The following BRPF1 variants were observed in gnomAD, a reference collection of about 807,000 sequenced individuals.
BRPF1 encodes the protein peregrin.
A neutral mutation model predicts 115.0 loss-of-function variants in BRPF1; 15 were observed. That is an observed-to-expected ratio of 0.13 (90% CI 0.09 to 0.20). BRPF1 has a LOEUF of 0.20. Among genes scored for constraint, BRPF1 ranks in the 10% least tolerant of loss-of-function variants. BRPF1 has a pLI of 1.00. For missense variants in BRPF1, 1,118 were observed against 1,638.3 expected, an observed-to-expected ratio of 0.68 and a Z score of 5.48; for synonymous variants, 647 against 619.8, an observed-to-expected ratio of 1.04 and a Z score of -0.65.
At chr3:9,733,048 G>A (rs1365903107) in intron 1 of BRPF1, 1 of 152,262 alleles carries the variant, frequency 6.6e-6, no homozygotes, top group Non-Finnish European at 1.5e-5. Flanking sequence ...TCGCGTTCGT[G>A]TTTGTACCCT....
At chr3:9,740,657 C>A in intron 3 of BRPF1, 122 bp from the exon 4 acceptor site, 1 of 1,292,948 alleles carries the variant, frequency 7.7e-7, no homozygotes. Context: ...AGTCCCAGGC[C>A]TTTTGGACAA....
intron 5 of BRPF1, among the ~76,000 whole-genome samples, chr3:9,741,750 TCTG>T (rs1459569103): frequency 6.6e-6 from 1 of 152,098 alleles, no homozygotes; most frequent in Non-Finnish European, 1.5e-5. Context: ...TGCTTTTAGT[TCTG>T]CTGGAAGCAG....
rs763209968 is a variant in BRPF1, at chr3:9,739,020, G to A, written c.621G>A (p.Glu207=). 26 of 1,581,798 alleles carry A rather than the reference G, an allele frequency of 1.6e-5. No individual in the cohort carries two copies. The Admixed American group carries it at 4.6e-4, about 28-fold the overall frequency. ...GTAGGTACATCGAGAAGTCTGCAGA[G>A]GAGCTGGACGAGGAAGTAGAGTATG... is the stretch of plus-strand genomic sequence containing the variant. ...SYYRYIEKSA[E]ELDEEVEYDM... is the part of the protein sequence containing the mutation. The change falls in exon 3 of 14, where the codon GAG becomes GAA. Residue 207 remains glutamate (E), a synonymous_variant. Coordinates refer to ENST00000383829, the MANE Select transcript of BRPF1 (RefSeq NM_001003694.2).
In BRPF1 at chr3:9,747,235, G is replaced by A. The variant is rs1352870111; in HGVS notation, c.3549G>A (p.Leu1183=). ...AGGACCTAGACAAGGAGAAGATGCT[G>A]GAGGGCCGCAAGTCCAACATCCGCA... ...VNQDLDKEKM[L]EGRKSNIRKS... Residue 1183 remains leucine, a synonymous_variant, in exon 14 of 14, where the codon CTG becomes CTA. Coordinates refer to ENST00000383829, the MANE Select transcript of BRPF1 (RefSeq NM_001003694.2). The surrounding 1 kb of genome is among the most constrained non-coding windows in gnomAD (Gnocchi z 5.6). 4 of 1,614,082 alleles carry A rather than the reference G, an allele frequency of 2.5e-6. No homozygotes were observed. The East Asian group carries it at 6.7e-5, about 27-fold the overall frequency.
At chr3:9,741,280 T>C in intron 4 of BRPF1, 28 bp from the exon 5 acceptor site, 2 of 1,539,626 alleles carry the variant, frequency 1.3e-6, no homozygotes, top group Non-Finnish European at 1.8e-6. Flanking sequence ...TTTCTAATCA[T>C]CCTCTGATCT....
intron 1 of BRPF1, among the ~76,000 whole-genome samples, chr3:9,732,905 T>C (rs1260011196): frequency 6.6e-6 from 1 of 151,968 alleles, no homozygotes; most frequent in Non-Finnish European, 1.5e-5. Context: ...CCGAGAGAAA[T>C]TGGGGCAGTC....
At chr3:9,741,175 C>A in intron 4 of BRPF1, 133 bp from the exon 5 acceptor site, 2 of 1,203,064 alleles carry the variant, frequency 1.7e-6, no homozygotes, top group Non-Finnish European at 1.2e-6. Flanking sequence ...TGGGGACACA[C>A]AGATTGAGGC....
At position 9,745,173 on chromosome 3, in the gene BRPF1, C is replaced by T. The variant is rs769764940; in HGVS notation, c.3068+18C>T. 6 of 1,611,308 alleles carry T rather than the reference C, an allele frequency of 3.7e-6. No homozygotes were observed. The highest frequency in any genetic ancestry group is 1.7e-5 in the Admixed American group (1 of 59,400). On this transcript the variant is annotated intron_variant, in intron 10 of 13. Transcript: ENST00000383829. The surrounding 1 kb of genome is among the most constrained non-coding windows in gnomAD (Gnocchi z 5.1). The stretch of plus-strand genomic sequence containing the variant: ...CGGACCAGGTACCAGCCCTCCAGAT[C>T]GAGGCCAACCTCAGGGGATGCCCTT...
At position 9,743,658 on chromosome 3, in the gene BRPF1, C is replaced by T. The variant is rs1575163785; in HGVS notation, c.2392C>T (p.Arg798Trp). Residue 798 changes from arginine to tryptophan, a missense_variant, in exon 8 of 14, where the codon CGG (arginine) becomes TGG (tryptophan). Arg to Trp is a moderately radical substitution (Grantham distance 101, BLOSUM62 -3). This residue lies in a region of BRPF1 where 223 missense variants were observed against 240.7 expected (regional missense o/e 0.93). Coordinates refer to ENST00000383829, the MANE Select transcript of BRPF1 (RefSeq NM_001003694.2). The surrounding 1 kb of genome is among the most constrained non-coding windows in gnomAD (Gnocchi z 6.1). ...VEEQLKLLLE[R>W]LDEVNASKQS... ...AGAACAGCTAAAGCTGCTTCTGGAG[C>T]GGCTGGACGAAGTGAATGCCAGCAA... 3 of 1,614,104 alleles carry T rather than the reference C, an allele frequency of 1.9e-6. No homozygotes were observed. Among genetic ancestry groups the T allele is most frequent in the African/African-American group, 2.7e-5 (2 of 75,052 alleles).
At position 9,747,162 on chromosome 3, in the gene BRPF1, A is replaced by T; in HGVS notation, c.3480-4A>T. ...ATTTATTTGATCTTCACCTTATCCT[A>T]TAGGCAGTGGCTGCCCAGGACCAAG... On this transcript the variant is annotated splice_polypyrimidine_tract_variant and splice_region_variant and intron_variant, in intron 13 of 13. Coordinates refer to ENST00000383829, the MANE Select transcript of BRPF1 (RefSeq NM_001003694.2). The surrounding 1 kb of genome is among the most constrained non-coding windows in gnomAD (Gnocchi z 5.6). 6.2e-7 allele frequency: 1 copy of T among 1,614,048 alleles called. No homozygotes were observed. Among genetic ancestry groups the T allele is most frequent in the South Asian group, 1.1e-5 (1 of 91,076 alleles).
chr3:9,736,906 C>T (rs560762711), intron 2 of BRPF1, among the ~76,000 whole-genome samples: 17 of 152,304 alleles, frequency 1.1e-4, no homozygotes, highest in Admixed American at 3.3e-4. Flanking sequence ...TTATACGTGA[C>T]ATGCAGCCTA....
In BRPF1 at chr3:9,734,081, T is replaced by C; in HGVS notation, c.-10-50T>C. The C allele has an allele frequency of 2.6e-6, 4 of 1,522,064 alleles. No homozygotes were observed. Among genetic ancestry groups the C allele is most frequent in the Non-Finnish European group, 2.6e-6 (3 of 1,135,876 alleles). 94.3% of individuals were successfully genotyped at this position (1,522,064 alleles called of 1,614,324 possible). ...GAAAGACTGGGGTCTCTGGTGCAAA[T>C]GGCCAGGAACTCATCCCCAGCCTTA... On this transcript the variant is annotated intron_variant, in intron 1 of 13. Transcript: ENST00000383829. This position sits in a 1 kb window ranked among gnomAD's most constrained non-coding sequence, Gnocchi z 5.7.
chr3:9,739,297 G>A lies in BRPF1; in HGVS notation c.898G>A (p.Val300Met), dbSNP rs2125500407. 6.8e-6 allele frequency: 11 copies of A among 1,613,808 alleles called. No homozygotes were observed. Among genetic ancestry groups the A allele is most frequent in the Non-Finnish European group, 9.3e-6 (11 of 1,179,742 alleles). The change falls in exon 3 of 14, where the codon GTG becomes ATG. Residue 300 changes from valine (V) to methionine (M), a missense_variant. Coordinates refer to ENST00000383829, the MANE Select transcript of BRPF1 (RefSeq NM_001003694.2). ...CTTCTGTGACATGTGCAACCTGGCCGTGCACCAGGAGTGCTACGGTGTCCC... is the reference window on the plus strand; with the variant it reads ...CTTCTGTGACATGTGCAACCTGGCCATGCACCAGGAGTGCTACGGTGTCCC... ...ILFCDMCNLA[V>M]HQECYGVPYI...
In BRPF1 at chr3:9,745,160, C is replaced by T. The variant is rs1360451807; in HGVS notation, c.3068+5C>T. 2 of 1,613,368 alleles carry T rather than the reference C, an allele frequency of 1.2e-6. No individual in the cohort carries two copies. Among genetic ancestry groups the T allele is most frequent in the African/African-American group, 1.3e-5 (1 of 75,026 alleles). On this transcript the variant is annotated splice_donor_5th_base_variant and intron_variant, in intron 10 of 13. Coordinates refer to ENST00000383829, the MANE Select transcript of BRPF1 (RefSeq NM_001003694.2). This position sits in a 1 kb window ranked among gnomAD's most constrained non-coding sequence, Gnocchi z 5.1. ...CGCTGCTTCAGACCGGACCAGGTAC[C>T]AGCCCTCCAGATCGAGGCCAACCTC...
At position 9,740,771 on chromosome 3, in the gene BRPF1, C is replaced by T. The variant is rs752865774; in HGVS notation, c.1560-8C>T. 7 of 1,612,508 alleles carry T rather than the reference C, an allele frequency of 4.3e-6. No homozygotes were observed. The highest frequency in any genetic ancestry group is 5.9e-6 in the Non-Finnish European group (7 of 1,178,720). On this transcript the variant is annotated splice_region_variant and splice_polypyrimidine_tract_variant and intron_variant, in intron 3 of 13. Coordinates refer to ENST00000383829, the MANE Select transcript of BRPF1 (RefSeq NM_001003694.2). ...AACAAGTTTTACTCTTTGTTTCCTGCCTCCCAGGCTTAGTAAAATCACCAA... is the reference window on the plus strand; with the variant it reads ...AACAAGTTTTACTCTTTGTTTCCTGTCTCCCAGGCTTAGTAAAATCACCAA...
chr3:9,741,914 T>C lies in BRPF1; in HGVS notation c.1855-111T>C, dbSNP rs1054569547. 15 of 1,250,612 alleles carry C rather than the reference T, an allele frequency of 1.2e-5. No individual in the cohort carries two copies. In the South Asian group the frequency reaches 1.9e-4, roughly 16 times the overall value. The allele number at this position is 1,250,612 out of a possible 1,614,324, so 77.5% of individuals were successfully genotyped here. A position where few individuals can be genotyped will look rare whatever the true frequency, so the allele number is the denominator to read the frequency against. On this transcript the variant is annotated intron_variant, in intron 5 of 13. Coordinates refer to ENST00000383829, the MANE Select transcript of BRPF1 (RefSeq NM_001003694.2). ...GTAGACCTGTATGAGTACACCCAGCTGTGAGGGTGGGAAAGAAGGCGGGTT... is the reference window on the plus strand; with the variant it reads ...GTAGACCTGTATGAGTACACCCAGCCGTGAGGGTGGGAAAGAAGGCGGGTT...
rs547028844 is a variant in BRPF1, at chr3:9,745,174, G to A, written c.3068+19G>A. 1.2e-5 allele frequency: 19 copies of A among 1,611,352 alleles called. No individual in the cohort carries two copies. Among genetic ancestry groups the A allele is most frequent in the Admixed American group, 3.4e-5 (2 of 59,394 alleles). ...GGACCAGGTACCAGCCCTCCAGATC[G>A]AGGCCAACCTCAGGGGATGCCCTTC... On this transcript the variant is annotated intron_variant, in intron 10 of 13. Transcript: ENST00000383829. This position sits in a 1 kb window ranked among gnomAD's most constrained non-coding sequence, Gnocchi z 5.1.
chr3:9,739,644 G>A lies in BRPF1; in HGVS notation c.1245G>A (p.Gln415=). The change falls in exon 3 of 14, where the codon CAG becomes CAA. Residue 415 remains glutamine, a synonymous_variant. Coordinates refer to ENST00000383829, the MANE Select transcript of BRPF1 (RefSeq NM_001003694.2). ...CYTAFHVTCA[Q]QAGLYMKMEP... ...CAGCTTTCCATGTGACATGCGCCCAGCAGGCTGGCCTTTACATGAAGATGG... is the reference window on the plus strand; with the variant it reads ...CAGCTTTCCATGTGACATGCGCCCAACAGGCTGGCCTTTACATGAAGATGG... 2.5e-6 allele frequency: 4 copies of A among 1,610,700 alleles called. No homozygotes were observed. The highest frequency in any genetic ancestry group is 3.4e-6 in the Non-Finnish European group (4 of 1,177,040).
intron 9 of BRPF1, 137 bp downstream of exon 9, chr3:9,744,645 A>G (rs2077091605): frequency 1.5e-6 from 1 of 681,182 alleles, no homozygotes; most frequent in Non-Finnish European, 2.3e-6. Context: ...AACTCCACTC[A>G]CTCATCTTAC....
Sources: allele counts gnomAD v4.1 joint callset (sites outside exome capture counted in the v4.1 genomes callset), GRCh38; gene constraint gnomAD v4.1.1; regional missense constraint gnomAD v4.1.1; non-coding constraint Gnocchi (gnomAD v3.1); transcripts MANE v1.5; gene names NCBI Gene and HGNC (gene_info 2026-07-23, HGNC 2026-07-21).